TNR: variants seen among roughly 807,000 people sequenced by gnomAD.
The protein encoded by TNR is tenascin R.
A neutral mutation model predicts 150.4 loss-of-function variants in TNR; 45 were observed. That is an observed-to-expected ratio of 0.30 (90% confidence interval 0.24 to 0.38). The LOEUF is 0.38. Ranked by LOEUF, TNR falls within the 10% of genes least tolerant of loss-of-function variation. TNR has a pLI of 1.00. For synonymous variants in TNR, 687 were observed against 678.4 expected, an observed-to-expected ratio of 1.01 and a Z score of -0.20; for missense variants, 1,544 against 1,759.1, an observed-to-expected ratio of 0.88 and a Z score of 2.19.
intron 1 of TNR, among the ~76,000 whole-genome samples, chr1:175,694,357 C>A (rs1320462645): frequency 6.6e-6 from 1 of 152,172 alleles, no homozygotes; most frequent in Non-Finnish European, 1.5e-5. Flanking sequence ...AGCCAGAAAT[C>A]CAAGCATCAT....
intron 1 of TNR, among the ~76,000 whole-genome samples, chr1:175,693,299 T>G (rs1290481439): frequency 6.6e-6 from 1 of 152,198 alleles, no homozygotes; most frequent in Non-Finnish European, 1.5e-5. Context: ...CTGTCTCCCT[T>G]GTAACCTGTA....
chr1:175,634,277 C>T (rs1664425316), intron 1 of TNR, among the ~76,000 whole-genome samples: 1 of 152,150 alleles, frequency 6.6e-6, no homozygotes, highest in South Asian at 2.1e-4. Context: ...ATGAAATGCT[C>T]ACTTCTCTTG....
chr1:175,587,912 G>A (rs1048688058), intron 1 of TNR, among the ~76,000 whole-genome samples: 3 of 152,202 alleles, frequency 2.0e-5, no homozygotes, highest in African/African-American at 7.2e-5. Context: ...AACAGTGAGG[G>A]CCACTCACAT....
chr1:175,408,030 C>A (rs1212756985), intron 2 of TNR, among the ~76,000 whole-genome samples: 2 of 152,206 alleles, frequency 1.3e-5, no homozygotes, highest in African/African-American at 4.8e-5. Flanking sequence ...TGTCTCTCAT[C>A]TTTTCCCTCC....
chr1:175,439,846 A>C (rs1012303973), intron 2 of TNR, among the ~76,000 whole-genome samples: 1 of 152,212 alleles, frequency 6.6e-6, no homozygotes, highest in East Asian at 1.9e-4. Context: ...CACCAGTTAG[A>C]ATGGTGATCA....
intron 9 of TNR, among the ~76,000 whole-genome samples, chr1:175,378,442 A>C (rs1292918982): frequency 6.6e-6 from 1 of 152,232 alleles, no homozygotes; most frequent in Non-Finnish European, 1.5e-5. Flanking sequence ...GTCATGCCAC[A>C]CATGTAAAAT....
At chr1:175,503,134 C>A (rs2102151296) in intron 2 of TNR, among the ~76,000 whole-genome samples, 1 of 152,268 alleles carries the variant, frequency 6.6e-6, no homozygotes, top group African/African-American at 2.4e-5. Context: ...GTACACGTTG[C>A]TGAGGATGAC....
chr1:175,406,783 A>G lies in TNR; in HGVS notation c.-63-6T>C. 1.3e-6 allele frequency: 2 copies of G among 1,563,330 alleles called. No individual in the cohort carries two copies. The highest frequency in any genetic ancestry group is 8.7e-7 in the Non-Finnish European group (1 of 1,155,186). On this transcript the variant is annotated splice_region_variant and splice_polypyrimidine_tract_variant and intron_variant, in intron 2 of 22. Transcript: ENST00000367674. ...CAGCATGGAGTTGTGGGAATCTGCA[A>G]CGGAAACCAAGGAAAGAGACAACCT...
chr1:175,406,585 A>G lies in TNR; in HGVS notation c.130T>C (p.Ser44Pro), dbSNP rs777924107. The stretch of plus-strand genomic sequence containing the variant: ...GCAATGCCTCCCTCCTCCTCCACTG[A>G]CTGTCTCTGGACCCTTTCTGTGGTG... ...EVTTERVQRQ[S>P]VEEEGGIANY... The change falls in exon 3 of 23, where the codon TCA (serine) becomes CCA (proline). Residue 44 changes from serine (S) to proline (P), a missense_variant. By Grantham distance (74) the Ser-to-Pro change is moderately conservative (BLOSUM62 -1). Around this residue, in one of 2 missense-constraint regions of TNR, gnomAD observed 1,254 missense variants for 1,329.4 expected, o/e 0.94. Transcript: ENST00000367674. The G allele has an allele frequency of 6.2e-7, 1 of 1,614,086 alleles. No individual in the cohort carries two copies. The highest frequency in any genetic ancestry group is 1.7e-5 in the Admixed American group (1 of 60,018).
chr1:175,614,299 C>T (rs1165449054), intron 1 of TNR, among the ~76,000 whole-genome samples: 1 of 152,130 alleles, frequency 6.6e-6, no homozygotes, highest in Non-Finnish European at 1.5e-5. Context: ...CAAGGCTGAG[C>T]TGATATTGAC....
chr1:175,684,167 A>G (rs1398378118), intron 1 of TNR, among the ~76,000 whole-genome samples: 1 of 152,194 alleles, frequency 6.6e-6, no homozygotes, highest in African/African-American at 2.4e-5. Flanking sequence ...TCAGCATTCC[A>G]TCTTCTTTTC....
intron 2 of TNR, among the ~76,000 whole-genome samples, chr1:175,497,444 G>A (rs1233805061): frequency 2.6e-5 from 4 of 152,198 alleles, no homozygotes; most frequent in Non-Finnish European, 5.9e-5. Flanking sequence ...CAGTTAGCTG[G>A]GGAACAACAA....
chr1:175,361,972 TCA>T (rs2102010874), intron 14 of TNR, among the ~76,000 whole-genome samples: 1 of 152,326 alleles, frequency 6.6e-6, no homozygotes, highest in South Asian at 2.1e-4. Context: ...CTACCTTTCC[TCA>T]CTTTCCCATA....
At chr1:175,571,675 TCTC>T (rs1661876900) in intron 1 of TNR, among the ~76,000 whole-genome samples, 1 of 152,142 alleles carries the variant, frequency 6.6e-6, no homozygotes, top group Non-Finnish European at 1.5e-5. Flanking sequence ...TCCATGTCCT[TCTC>T]CTGCTGTCAC....
intron 2 of TNR, among the ~76,000 whole-genome samples, chr1:175,505,025 C>A (rs1415972026): frequency 1.3e-5 from 1 of 79,390 alleles, no homozygotes; most frequent in Non-Finnish European, 2.5e-5. Flanking sequence ...CTCAGACTCC[C>A]AGCCTCCAGG....
chr1:175,486,266 C>T (rs1333767849), intron 2 of TNR, among the ~76,000 whole-genome samples: 1 of 151,964 alleles, frequency 6.6e-6, no homozygotes, highest in Middle Eastern at 3.2e-3. Flanking sequence ...TAGTGCTATC[C>T]CTTCCCTATC....
intron 20 of TNR, 60 bp from the exon 21 acceptor site, chr1:175,330,295 G>C: frequency 6.9e-7 from 1 of 1,458,424 alleles, no homozygotes; most frequent in Non-Finnish European, 9.2e-7. Context: ...GAAAATGGGA[G>C]GGAAATGCGT....
At chr1:175,735,542 T>C (rs1359465319) in intron 1 of TNR, among the ~76,000 whole-genome samples, 1 of 152,202 alleles carries the variant, frequency 6.6e-6, no homozygotes, top group Non-Finnish European at 1.5e-5. Flanking sequence ...TTACAATACT[T>C]CACGAAGCAG....
At position 175,646,582 on chromosome 1, in the gene TNR, G is replaced by A. The variant is rs191021705; in HGVS notation, c.-165+96644C>T. On this transcript the variant is annotated intron_variant, in intron 1 of 22. Transcript: ENST00000367674. ...CTGATTAACTTGCAGAACCAGAAGG[G>A]CCTTAGACATTATCTGATCCAGAGA... 1.7e-3 allele frequency among the ~76,000 whole-genome samples: 256 copies of A among 151,984 alleles called. 2 individuals carry two copies. The highest frequency in any genetic ancestry group is 2.6e-3 in the Non-Finnish European group (175 of 68,000).
Sources: gnomAD v4.1 joint callset for allele counts (sites outside exome capture counted in the v4.1 genomes callset) on GRCh38, gnomAD v4.1.1 for gene constraint, gnomAD v4.1.1 regional missense constraint, MANE v1.5 for transcripts, NCBI Gene and HGNC (gene_info 2026-07-23, HGNC 2026-07-21) for gene names.